Variants in ALS2CL observed in about 807,000 individuals in gnomAD.
ALS2CL encodes the protein ALS2 C-terminal like.
In ALS2CL, 112 loss-of-function variants were observed where a neutral mutation model predicts 127.9. That is an observed-to-expected ratio of 0.88 (90% CI 0.75 to 1.02). The LOEUF is 1.02. ALS2CL is among the 50% of genes least tolerant of loss of function. The probability of loss-of-function intolerance (pLI) is 0.00; values close to 1 mark genes in which losing one functional copy is unlikely to be tolerated. For synonymous variants in ALS2CL, 519 were observed against 527.6 expected (o/e 0.98, Z 0.22); for missense variants, 1,174 against 1,236.7 (o/e 0.95, Z 0.76).
At chr3:46,675,733 A>C (rs757794188) in intron 19 of ALS2CL, 47 bp from the exon 20 acceptor site, 5 of 1,610,950 alleles carry the variant, frequency 3.1e-6, no homozygotes, top group Non-Finnish European at 4.2e-6. Context: ...CTTGCCACAG[A>C]ACTGGAGTTC....
In ALS2CL at chr3:46,675,389, G is replaced by A. The variant is rs184880100; in HGVS notation, c.2255+229C>T. The stretch of plus-strand genomic sequence containing the variant: ...AGATGAGATTGGGATCATACATTTA[G>A]AACAAAGATGCATTCAATGCATTGT... On this transcript the variant is annotated intron_variant, in intron 20 of 25. Coordinates refer to ENST00000318962, the MANE Select transcript of ALS2CL (RefSeq NM_147129.5). 3 of 544,748 alleles carry A rather than the reference G, an allele frequency of 5.5e-6. No homozygotes were observed. In the Admixed American group the frequency reaches 9.8e-5, roughly 18 times the overall value. The allele number at this position is 544,748 out of a possible 1,614,324, so 33.7% of individuals were successfully genotyped here. A position where few individuals can be genotyped will look rare whatever the true frequency, so the allele number is the denominator to read the frequency against.
chr3:46,680,551 G>A lies in ALS2CL; in HGVS notation c.1437-10C>T. 6.2e-7 allele frequency: 1 copy of A among 1,609,448 alleles called. No individual in the cohort carries two copies. Among genetic ancestry groups the A allele is most frequent in the Non-Finnish European group, 8.5e-7 (1 of 1,178,804 alleles). On this transcript the variant is annotated splice_polypyrimidine_tract_variant and intron_variant, in intron 13 of 25. Coordinates refer to ENST00000318962, the MANE Select transcript of ALS2CL (RefSeq NM_147129.5). ...AATGTAGCGCTCACCTCTGGAAGGA[G>A]AGGAATGTGGCCAGAGTTGGATCAG...
chr3:46,671,025 G>A lies in ALS2CL; in HGVS notation c.2821C>T (p.His941Tyr). 1 of 1,614,226 alleles carries A rather than the reference G, an allele frequency of 6.2e-7. No individual in the cohort carries two copies. The stretch of plus-strand genomic sequence containing the variant: ...GAGTGCCAGTGGCCAGGTAAGCGGT[G>A]CAGCCTCATGTCTTCTTTCTGGATG... The part of the protein sequence containing the change: ...EHIQKEDMRL[H>Y]RLPGHWHSRE... Residue 941 changes from histidine (H) to tyrosine (Y), a missense_variant, in exon 26 of 26, where the codon CAC becomes TAC. Transcript: ENST00000318962.
intron 7 of ALS2CL, 146 bp downstream of exon 7, chr3:46,685,379 T>A (rs1699683423): frequency 7.4e-7 from 1 of 1,355,638 alleles, no homozygotes; most frequent in Non-Finnish European, 1.0e-6. Flanking sequence ...GGACCGCCCC[T>A]CCCCAACACA....
At chr3:46,685,767 C>A (rs78587219) in intron 6 of ALS2CL, 123 bp from the exon 7 acceptor site, 3 of 1,365,634 alleles carry the variant, frequency 2.2e-6, no homozygotes, top group South Asian at 1.5e-5. Flanking sequence ...AGACCTGGAG[C>A]GGACCCTGGG....
At chr3:46,687,519 G>A in intron 4 of ALS2CL, 100 bp downstream of exon 4, 1 of 1,344,870 alleles carries the variant, frequency 7.4e-7, no homozygotes, top group Non-Finnish European at 1.0e-6. Context: ...TGAGTTGTGG[G>A]CTGTGACACC....
At chr3:46,689,639 C>T (rs374441754) in intron 1 of ALS2CL, among the ~76,000 whole-genome samples, 174 bp from the exon 2 acceptor site, 17 of 152,232 alleles carry the variant, frequency 1.1e-4, no homozygotes, top group African/African-American at 3.6e-4. Flanking sequence ...CTCTGCCCTG[C>T]TCCCTGCCTA....
In ALS2CL at chr3:46,676,380, G is replaced by A. The variant is rs1315615822; in HGVS notation, c.2051C>T (p.Pro684Leu). 8 of 1,613,896 alleles carry A rather than the reference G, an allele frequency of 5.0e-6. No individual in the cohort carries two copies. Among genetic ancestry groups the A allele is most frequent in the Non-Finnish European group, 5.1e-6 (6 of 1,179,978 alleles). The change falls in exon 19 of 26, where the codon CCC becomes CTC. Residue 684 changes from proline to leucine, a missense_variant. By Grantham distance (98) the Pro-to-Leu change is moderately conservative. Coordinates refer to ENST00000318962, the MANE Select transcript of ALS2CL (RefSeq NM_147129.5). ...CAGTGTCCGGAGCAGCTTTCCCAGG[G>A]GGTGCAGTGAGTTGCTCAGAGCCTG... ...LRKALSNSLH[P>L]LGKLLRTLML...
In ALS2CL at chr3:46,687,240, A is replaced by AT; in HGVS notation, c.369-93dup. 2.9e-6 allele frequency: 4 copies of AT among 1,379,482 alleles called. No individual in the cohort carries two copies. In the South Asian group the frequency reaches 6.0e-5, roughly 21 times the overall value. The allele number at this position is 1,379,482 out of a possible 1,614,324, so 85.5% of individuals were successfully genotyped here. ...TCCCTGCCCCAGCTAATCCCCTCAG[A>AT]TCCCAGGGCCAGCCCCAGGCCCAAA... On this transcript the variant is annotated intron_variant, in intron 4 of 25. Coordinates refer to ENST00000318962, the MANE Select transcript of ALS2CL (RefSeq NM_147129.5).
rs1434880763 is a variant in ALS2CL, at chr3:46,678,494, C to G, written c.1627-105G>C. 2.5e-5 allele frequency: 36 copies of G among 1,418,856 alleles called. No individual in the cohort carries two copies. The Admixed American group carries it at 7.0e-4, about 28-fold the overall frequency. The allele number at this position is 1,418,856 out of a possible 1,614,324, so 87.9% of individuals were successfully genotyped here. A position where few individuals can be genotyped will look rare whatever the true frequency, so the allele number is the denominator to read the frequency against. ...CCATCAGTGTCAGAGAGGCTAAGGA[C>G]TAATGAATGGGCTTCCCGCCATCCA... On this transcript the variant is annotated intron_variant, in intron 15 of 25. Transcript: ENST00000318962.
intron 14 of ALS2CL, 26 bp from the exon 15 acceptor site, chr3:46,679,313 T>A: frequency 6.4e-7 from 1 of 1,550,430 alleles, no homozygotes; most frequent in Non-Finnish European, 8.8e-7. Flanking sequence ...CCAGGGAGGG[T>A]AGAAAGGGTG....
chr3:46,676,799 G>GGCCC, intron 17 of ALS2CL, 50 bp downstream of exon 17: 4 of 1,594,408 alleles, frequency 2.5e-6, no homozygotes, highest in Non-Finnish European at 3.4e-6. Flanking sequence ...CCCCCAGGAA[G>GGCCC]CCCTCCCCAG....
intron 4 of ALS2CL, 113 bp downstream of exon 4, chr3:46,687,506 G>T: frequency 8.1e-7 from 1 of 1,227,460 alleles, no homozygotes; most frequent in Non-Finnish European, 1.2e-6. Flanking sequence ...GAGTCCTCCA[G>T]GATGAGTTGT....
chr3:46,686,925 TG>T lies in ALS2CL; in HGVS notation c.534+57del. The T allele has an allele frequency of 6.7e-7, 1 of 1,489,752 alleles. No individual in the cohort carries two copies. The highest frequency in any genetic ancestry group is 8.9e-7 in the Non-Finnish European group (1 of 1,122,202). The allele number at this position is 1,489,752 out of a possible 1,614,324, so 92.3% of individuals were successfully genotyped here. On this transcript the variant is annotated intron_variant, in intron 5 of 25. Transcript: ENST00000318962. The surrounding 1 kb of genome is among the most constrained non-coding windows in gnomAD (Gnocchi z 4.3). ...GAGTATAGGCTGAGCCCCCTGAGTC[TG>T]GGCCCTATCCCTCCCTTCCCTCGGC...
rs1698325138 is a variant in ALS2CL at position 46,670,856 on chromosome 3, T to C, written c.*128A>G. On this transcript the variant is annotated 3_prime_UTR_variant, in exon 26 of 26. Coordinates refer to ENST00000318962, the MANE Select transcript of ALS2CL (RefSeq NM_147129.5). The surrounding 1 kb of genome is among the most constrained non-coding windows in gnomAD (Gnocchi z 5.5). ...TCAGGGCAGCAGCAGCATCTTCCTG[T>C]GCAAAACAAAATGCTCATCTCCTCC... is the stretch of plus-strand genomic sequence containing the variant. The C allele has an allele frequency of 3.1e-6, 3 of 968,766 alleles. No homozygotes were observed. The highest frequency in any genetic ancestry group is 4.8e-6 in the Non-Finnish European group (3 of 624,300). The allele number at this position is 968,766 out of a possible 1,614,324, so 60.0% of individuals were successfully genotyped here.
In ALS2CL at chr3:46,685,619, C is replaced by T. The variant is rs1699704267; in HGVS notation, c.692G>A (p.Arg231Lys). The T allele has an allele frequency of 6.2e-7, 1 of 1,613,866 alleles. No homozygotes were observed. Among genetic ancestry groups the T allele is most frequent in the Admixed American group, 1.7e-5 (1 of 59,998 alleles). ...LRDVLCTPAHRLLQDSQDVPV... is the reference protein window; with the variant it reads ...LRDVLCTPAHKLLQDSQDVPV... ...TACGTCCTGGCTGTCCTGAAGGAGT[C>T]TGTGAGCAGGGGTGCAGAGCACATC... is the stretch of plus-strand genomic sequence containing the variant. Residue 231 changes from arginine (R) to lysine (K), a missense_variant, in exon 7 of 26, where the codon AGA becomes AAA. Coordinates refer to ENST00000318962, the MANE Select transcript of ALS2CL (RefSeq NM_147129.5).
chr3:46,680,016 C>G lies in ALS2CL; in HGVS notation c.1548+414G>C, dbSNP rs148099944. On this transcript the variant is annotated intron_variant, in intron 14 of 25. Coordinates refer to ENST00000318962, the MANE Select transcript of ALS2CL (RefSeq NM_147129.5). The stretch of plus-strand genomic sequence containing the variant: ...CTCTGAACCTCTCATTTGTCATTCA[C>G]TAGGGACACACTAGGGATAATAATG... The G allele has an allele frequency of 8.7e-4, 168 of 192,058 alleles. 1 individual carries two copies. The highest frequency in any genetic ancestry group is 3.7e-3 in the African/African-American group (163 of 44,042). The allele number at this position is 192,058 out of a possible 1,614,324, so 11.9% of individuals were successfully genotyped here.
In ALS2CL at chr3:46,681,202, G is replaced by C; in HGVS notation, c.1436+44C>G. 6.2e-7 allele frequency: 1 copy of C among 1,612,950 alleles called. No homozygotes were observed. Among genetic ancestry groups the C allele is most frequent in the Non-Finnish European group, 8.5e-7 (1 of 1,179,658 alleles). On this transcript the variant is annotated intron_variant, in intron 13 of 25. Transcript: ENST00000318962. The surrounding 1 kb of genome is among the most constrained non-coding windows in gnomAD (Gnocchi z 4.9). Reference sequence around the variant, plus strand: ...GCAACAATCTGGTCTGTGAGGGCCCGGTCCACCCCTCCGTCCTGGGAGTGG... The same window carrying C: ...GCAACAATCTGGTCTGTGAGGGCCCCGTCCACCCCTCCGTCCTGGGAGTGG...
rs1224819894 is a variant in ALS2CL, at chr3:46,669,148, A to T, written c.*1836T>A. 6.6e-6 allele frequency: 1 copy of T among 152,044 alleles called. No homozygotes were observed. The highest frequency in any genetic ancestry group is 1.5e-5 in the Non-Finnish European group (1 of 68,052). 9.4% of individuals were successfully genotyped at this position (152,044 alleles called of 1,614,324 possible). A position where few individuals can be genotyped will look rare whatever the true frequency, so the allele number is the denominator to read the frequency against. The stretch of plus-strand genomic sequence containing the variant: ...CCAGGCTCAGGGATCTTCCCACCTC[A>T]GCCTCCCGAGTAGCTGGGACCACAG... On this transcript the variant is annotated 3_prime_UTR_variant, in exon 26 of 26. Coordinates refer to ENST00000318962, the MANE Select transcript of ALS2CL (RefSeq NM_147129.5).
Sources: allele counts gnomAD v4.1 joint callset (sites outside exome capture counted in the v4.1 genomes callset), GRCh38; gene constraint gnomAD v4.1.1; non-coding constraint Gnocchi (gnomAD v3.1); transcripts MANE v1.5; gene names NCBI Gene and HGNC (gene_info 2026-07-23, HGNC 2026-07-21).